Variants in ADGRG3 observed in about 807,000 individuals in gnomAD.
The protein encoded by ADGRG3 is G protein-coupled receptor 97.
Under a neutral mutation model 54.3 loss-of-function variants are expected in ADGRG3, and 39 were observed. The ratio of observed to expected loss-of-function variants is 0.72; its 90% confidence interval spans 0.56 to 0.94. ADGRG3 has a LOEUF of 0.94. ADGRG3 is among the 40% of genes least tolerant of loss of function. The pLI, the probability that ADGRG3 is intolerant of heterozygous loss-of-function variation, is 0.00. For missense variants in ADGRG3, 654 were observed against 694.6 expected (o/e 0.94, Z 0.66); for synonymous variants, 312 against 290.0 (o/e 1.08, Z -0.77).
rs753874024 is a variant in ADGRG3, at chr16:57,680,321, A to C, written c.724A>C (p.Thr242Pro). The C allele has an allele frequency of 1.9e-6, 3 of 1,609,268 alleles. No homozygotes were observed. The African/African-American group carries it at 4.1e-5, about 22-fold the overall frequency. The change falls in exon 7 of 12, where the codon ACC (threonine) becomes CCC (proline). Residue 242 changes from threonine (T) to proline (P), a missense_variant. By Grantham distance (38) the Thr-to-Pro change is conservative. Coordinates refer to ENST00000333493, the MANE Select transcript of ADGRG3 (RefSeq NM_170776.5). Reference sequence around the variant, plus strand: ...CTCCACGGAGGTCAGACCTGAGGGGACCGTGTGCTGCTGTGACCACCTGAC... The same window carrying C: ...CTCCACGGAGGTCAGACCTGAGGGGCCCGTGTGCTGCTGTGACCACCTGAC... ...GCSTEVRPEG[T>P]VCCCDHLTFF...
intron 4 of ADGRG3, chr16:57,678,622 C>G: frequency 2.2e-6 from 1 of 450,034 alleles, no homozygotes; most frequent in African/African-American, 2.0e-5. Context: ...CAAACATGCA[C>G]ATCCTTTTCT....
chr16:57,688,172 C>T (rs573854675), intron 11 of ADGRG3, among the ~76,000 whole-genome samples, 180 bp from the exon 12 acceptor site: 2 of 152,226 alleles, frequency 1.3e-5, no homozygotes, highest in South Asian at 2.1e-4. Context: ...TCCAAGATTT[C>T]GATTTGGTTC....
rs1158934306 is a variant in ADGRG3 at position 57,676,091 on chromosome 16, A to AG, written c.207-106dup. On this transcript the variant is annotated intron_variant, in intron 2 of 11. Transcript: ENST00000333493. Reference sequence around the variant, plus strand: ...CTTTTCTTCCTCCTGTCCTGATCCCAGGGTCTTTACTTTGATAGTTTGGGT... The same window carrying AG: ...CTTTTCTTCCTCCTGTCCTGATCCCAGGGGTCTTTACTTTGATAGTTTGGGT... 10 of 1,004,298 alleles carry AG rather than the reference A, an allele frequency of 1.0e-5. No homozygotes were observed. The Admixed American group carries it at 1.4e-4, about 14-fold the overall frequency. 62.2% of individuals were successfully genotyped at this position (1,004,298 alleles called of 1,614,324 possible).
chr16:57,670,829 T>C (rs1277860021), intron 1 of ADGRG3, among the ~76,000 whole-genome samples: 1 of 150,900 alleles, frequency 6.6e-6, no homozygotes, highest in Non-Finnish European at 1.5e-5. Context: ...TTTGTCTTAA[T>C]GATTAAAAAT....
rs767013906 is a variant in ADGRG3, at chr16:57,684,115, G to A, written c.1065G>A (p.Trp355Ter). 5.0e-6 allele frequency: 8 copies of A among 1,614,102 alleles called. No homozygotes were observed. In the East Asian group the frequency reaches 1.6e-4, roughly 31 times the overall value. Residue 355 changes from tryptophan to a stop codon, truncating the protein, a stop_gained, in exon 9 of 12, where the codon TGG becomes TGA. Coordinates refer to ENST00000333493, the MANE Select transcript of ADGRG3 (RefSeq NM_170776.5). LOFTEE classifies it high-confidence loss of function. Reference protein sequence around the residue: ...FHYFLLCAFTWMGLEAFHLYL... With the variant: ...FHYFLLCAFT ...ACTTCCTGCTCTGTGCCTTCACCTG[G>A]ATGGGCCTTGAAGCCTTCCACCTCT...
chr16:57,671,363 CAG>C (rs2048155027), intron 1 of ADGRG3, among the ~76,000 whole-genome samples: 1 of 109,376 alleles, frequency 9.1e-6, no homozygotes. Flanking sequence ...TTTTTCGAGA[CAG>C]AGTCTCTCTT....
intron 2 of ADGRG3, chr16:57,674,486 G>A (rs1284220136): frequency 1.8e-5 from 7 of 394,566 alleles, no homozygotes; most frequent in Non-Finnish European, 3.1e-5. Flanking sequence ...TGTGTTAAAG[G>A]AATGAGTTAA....
chr16:57,684,252 T>A (rs2048429834), intron 9 of ADGRG3, 40 bp downstream of exon 9: 1 of 1,594,056 alleles, frequency 6.3e-7, no homozygotes, highest in Non-Finnish European at 8.6e-7. Context: ...CGGCCGGCCC[T>A]GAGGGTGCAG....
Position 57,684,099 on chromosome 16 carries a change from T to C in ADGRG3, c.1049T>C (p.Leu350Pro). The stretch of plus-strand genomic sequence containing the variant: ...GGGGCTGTCTTCCACTACTTCCTGC[T>C]CTGTGCCTTCACCTGGATGGGCCTT... ...ARGAVFHYFL[L>P]CAFTWMGLEA... The change falls in exon 9 of 12, where the codon CTC becomes CCC. Residue 350 changes from leucine (L) to proline (P), a missense_variant. By Grantham distance (98) the Leu-to-Pro change is moderately conservative. Coordinates refer to ENST00000333493, the MANE Select transcript of ADGRG3 (RefSeq NM_170776.5). The C allele has an allele frequency of 1.2e-6, 2 of 1,614,078 alleles. No homozygotes were observed. The highest frequency in any genetic ancestry group is 1.7e-6 in the Non-Finnish European group (2 of 1,179,998).
At chr16:57,683,823 G>T in intron 8 of ADGRG3, 109 bp from the exon 9 acceptor site, 1 of 778,844 alleles carries the variant, frequency 1.3e-6, no homozygotes, top group South Asian at 2.6e-5. Context: ...GCAGGAGCTG[G>T]CAGTGGGGGT....
chr16:57,686,060 A>C lies in ADGRG3; in HGVS notation c.1540+134A>C, dbSNP rs79289193. On this transcript the variant is annotated intron_variant, in intron 11 of 11. Transcript: ENST00000333493. Reference sequence around the variant, plus strand: ...CTGAAGTCAAGGATGTTGATTTCAAATACTCAGAGCAAGGATCCAGGGCAG... The same window carrying C: ...CTGAAGTCAAGGATGTTGATTTCAACTACTCAGAGCAAGGATCCAGGGCAG... 8.9e-3 allele frequency: 8,190 copies of C among 916,392 alleles called. 401 individuals carry two copies. The East Asian group carries it at 0.11, about 12-fold the overall frequency. The allele number at this position is 916,392 out of a possible 1,614,324, so 56.8% of individuals were successfully genotyped here.
Position 57,680,323 on chromosome 16 carries a change from C to T in ADGRG3, c.726C>T (p.Thr242=), listed in dbSNP as rs141220380. The change falls in exon 7 of 12, where the codon ACC becomes ACT. Residue 242 remains threonine, a synonymous_variant. Coordinates refer to ENST00000333493, the MANE Select transcript of ADGRG3 (RefSeq NM_170776.5). ...GCSTEVRPEG[T]VCCCDHLTFF... The stretch of plus-strand genomic sequence containing the variant: ...CCACGGAGGTCAGACCTGAGGGGAC[C>T]GTGTGCTGCTGTGACCACCTGACCT... 1.7e-4 allele frequency: 282 copies of T among 1,612,738 alleles called. No homozygotes were observed. In the African/African-American group the frequency reaches 2.9e-3, roughly 17 times the overall value.
chr16:57,666,326 G>A (rs1288851363), upstream of ADGRG3, among the ~76,000 whole-genome samples: 2 of 152,196 alleles, frequency 1.3e-5, no homozygotes, highest in Non-Finnish European at 2.9e-5. Context: ...GAGGGGTCTT[G>A]GGTTGGGTCT....
rs772357839 is a variant in ADGRG3 at position 57,673,390 on chromosome 16, A to G, written c.128A>G (p.Asn43Ser). 3 of 1,613,872 alleles carry G rather than the reference A, an allele frequency of 1.9e-6. No individual in the cohort carries two copies. Among genetic ancestry groups the G allele is most frequent in the Non-Finnish European group, 8.5e-7 (1 of 1,179,844 alleles). ...AGCAACAACATGTACGACATCTTCA[A>G]CTTGAATGACAAGGCTTTGTGCTTC... Reference protein sequence around the residue: ...LGSNNMYDIFNLNDKALCFTK... With the variant: ...LGSNNMYDIFSLNDKALCFTK... Residue 43 changes from asparagine (N) to serine (S), a missense_variant, in exon 2 of 12, where the codon AAC becomes AGC. Transcript: ENST00000333493.
chr16:57,667,972 T>G (rs1370434365), upstream of ADGRG3, among the ~76,000 whole-genome samples: 4 of 152,062 alleles, frequency 2.6e-5, no homozygotes, highest in Non-Finnish European at 2.9e-5. Flanking sequence ...GGGGTCTGAG[T>G]AGGTGCGCCT....
chr16:57,683,904 C>A, intron 8 of ADGRG3, 28 bp from the exon 9 acceptor site: 1 of 1,521,352 alleles, frequency 6.6e-7, no homozygotes. Context: ...AGCTGTGGCC[C>A]CTTGGGGCCT....
Position 57,679,223 on chromosome 16 carries a change from G to T in ADGRG3, c.539G>T (p.Arg180Leu). 1 of 1,613,966 alleles carries T rather than the reference G, an allele frequency of 6.2e-7. No individual in the cohort carries two copies. The highest frequency in any genetic ancestry group is 8.5e-7 in the Non-Finnish European group (1 of 1,179,926). Residue 180 changes from arginine (R) to leucine (L), a missense_variant, in exon 5 of 12, where the codon CGC becomes CTC. Arg to Leu is a moderately radical substitution (Grantham distance 102). Coordinates refer to ENST00000333493, the MANE Select transcript of ADGRG3 (RefSeq NM_170776.5). ...GATGGCAGCGGCGTGTTGAACAATC[G>T]CCTGGTGGGTTTGAGTGTGGGACAA... ...LGDGSGVLNNRLVGLSVGQMH... is the reference protein window; with the variant it reads ...LGDGSGVLNNLLVGLSVGQMH...
intron 11 of ADGRG3, 39 bp from the exon 12 acceptor site, chr16:57,688,313 C>T: frequency 7.5e-7 from 1 of 1,332,578 alleles, no homozygotes; most frequent in Non-Finnish European, 1.1e-6. Flanking sequence ...TCTCTGCCCA[C>T]CCCTTTCCAG....
intron 9 of ADGRG3, 60 bp from the exon 10 acceptor site, chr16:57,684,330 C>T (rs1468261814): frequency 1.2e-4 from 193 of 1,560,616 alleles, no homozygotes; most frequent in Non-Finnish European, 1.6e-4. Context: ...CTGGAGGGGA[C>T]GTGGAGGAGG....
Sources: gnomAD v4.1 joint callset for allele counts (sites outside exome capture counted in the v4.1 genomes callset) on GRCh38, gnomAD v4.1.1 for gene constraint, MANE v1.5 for transcripts, NCBI Gene and HGNC (gene_info 2026-07-23, HGNC 2026-07-21) for gene names.